AGBL1: variants seen among roughly 807,000 people sequenced by gnomAD.
The protein encoded by AGBL1 is AGBL carboxypeptidase 1.
In AGBL1, 130 loss-of-function variants were observed where a neutral mutation model predicts 118.9. That is an observed-to-expected ratio of 1.09 (90% CI 0.95 to 1.26). The LOEUF (loss-of-function observed/expected upper bound fraction) is 1.26. AGBL1 is among the 50% of genes most tolerant of loss of function. AGBL1 has a pLI of 0.00. For missense variants in AGBL1, 1,584 were observed against 1,298.1 expected (o/e 1.22, Z -3.38); for synonymous variants, 555 against 478.9 (o/e 1.16, Z -2.08).
At chr15:86,082,426 T>C (rs988142128) in intron 1 of AGBL1, among the ~76,000 whole-genome samples, 1 of 152,186 alleles carries the variant, frequency 6.6e-6, no homozygotes, top group African/African-American at 2.4e-5. Flanking sequence ...GTGAATAAGT[T>C]TGAACCAAAT....
At chr15:86,473,721 T>A (rs2082513499) in intron 18 of AGBL1, among the ~76,000 whole-genome samples, 1 of 152,230 alleles carries the variant, frequency 6.6e-6, no homozygotes, top group Non-Finnish European at 1.5e-5. Context: ...ATTGTGATGC[T>A]TATGTTTATG....
At position 86,921,875 on chromosome 15, in the gene AGBL1, T is replaced by C. The variant is rs116803171; in HGVS notation, c.3222-66112T>C. Among the ~76,000 whole-genome samples, 556 of 152,266 alleles carry C rather than the reference T, an allele frequency of 3.7e-3. 2 individuals are homozygous for C. The highest frequency in any genetic ancestry group is 0.011 in the African/African-American group (452 of 41,548). On this transcript the variant is annotated intron_variant, in intron 23 of 24. Transcript: ENST00000441037. ...TCTCCCATATATCCTTCAGGAGCAG[T>C]TGATCTAGTAACGACATTTGAGATG...
chr15:86,589,498 A>T (rs542371347), intron 21 of AGBL1, among the ~76,000 whole-genome samples: 4 of 152,292 alleles, frequency 2.6e-5, no homozygotes, highest in African/African-American at 9.6e-5. Context: ...TGCATTCTGG[A>T]GATGTATAGA....
chr15:86,494,648 C>T (rs546310384), intron 18 of AGBL1, among the ~76,000 whole-genome samples: 1 of 152,064 alleles, frequency 6.6e-6, no homozygotes, highest in Non-Finnish European at 1.5e-5. Flanking sequence ...AGTTTATTTA[C>T]TTTTGTTTAA....
In AGBL1 at chr15:86,371,859, G is replaced by A. The variant is rs148415602; in HGVS notation, c.2375-25507G>A. ...CACAATTTTGGTTGGCTGTGGTAAC[G>A]TAGTAGAGAGTGGCTGCTTGTAGGG... On this transcript the variant is annotated intron_variant, in intron 17 of 22. Transcript: ENST00000614907. Among the ~76,000 whole-genome samples the A allele has an allele frequency of 1.8e-3, 273 of 152,244 alleles. 3 individuals are homozygous for A. The highest frequency in any genetic ancestry group is 0.016 in the East Asian group (82 of 5,174).
In AGBL1 at chr15:86,271,580, C is replaced by T. The variant is rs767165766; in HGVS notation, c.1988-39C>T. 4.6e-6 allele frequency: 7 copies of T among 1,521,946 alleles called. No individual in the cohort carries two copies. The Admixed American group carries it at 8.4e-5, about 18-fold the overall frequency. The allele number at this position is 1,521,946 out of a possible 1,614,324, so 94.3% of individuals were successfully genotyped here. A position where few individuals can be genotyped will look rare whatever the true frequency, so the allele number is the denominator to read the frequency against. ...TCATTATTTGGCCCAGAACAACTCT[C>T]TTTCCCTCATGGATTAATTCCTTTC... is the stretch of plus-strand genomic sequence containing the variant. On this transcript the variant is annotated intron_variant, in intron 14 of 22. Coordinates refer to ENST00000614907, the MANE Select transcript of AGBL1 (RefSeq NM_001386094.1).
chr15:86,156,794 C>CTTTTTTTTTTTTTTTTTTT (rs773611214), intron 4 of AGBL1, among the ~76,000 whole-genome samples: 4 of 105,546 alleles, frequency 3.8e-5, no homozygotes, highest in African/African-American at 9.9e-5. Context: ...TCTTTTCTTT[C>CTTTTTTTTTTTTTTTTTTT]TTTTTTTTTT....
In AGBL1 at chr15:86,734,449, T is replaced by C. The variant is rs115562490; in HGVS notation, c.3158+60013T>C. The stretch of plus-strand genomic sequence containing the variant: ...AAGATGTAGAGACTAAGAACTGTTA[T>C]ATGAAGGGAGGTGATGAATAAAGAG... On this transcript the variant is annotated intron_variant, in intron 22 of 22. Coordinates refer to ENST00000614907, the MANE Select transcript of AGBL1 (RefSeq NM_001386094.1). 6.1e-3 allele frequency among the ~76,000 whole-genome samples: 931 copies of C among 152,156 alleles called. 10 individuals are homozygous for C. Among genetic ancestry groups the C allele is most frequent in the African/African-American group, 0.021 (883 of 41,516 alleles).
chr15:86,117,852 C>A lies in AGBL1; in HGVS notation c.52-24152C>A, dbSNP rs946775661. Among the ~76,000 whole-genome samples the A allele has an allele frequency of 1.6e-4, 25 of 152,168 alleles. 1 individual carries two copies. The highest frequency in any genetic ancestry group is 6.0e-4 in the African/African-American group (25 of 41,534). On this transcript the variant is annotated intron_variant, in intron 1 of 22. Transcript: ENST00000614907. Reference sequence around the variant, plus strand: ...ACATGCCTGAAATCCAACCCCAGGACCTGTGATTTGGTGATTTGGATTGGT... The same window carrying A: ...ACATGCCTGAAATCCAACCCCAGGAACTGTGATTTGGTGATTTGGATTGGT...
chr15:86,814,670 A>G (rs1196588357), intron 22 of AGBL1, among the ~76,000 whole-genome samples: 1 of 152,180 alleles, frequency 6.6e-6, no homozygotes, highest in Non-Finnish European at 1.5e-5. Context: ...TTCTATTATC[A>G]TGGTTAATGC....
At chr15:86,765,494 A>G (rs2078084701) in intron 22 of AGBL1, among the ~76,000 whole-genome samples, 1 of 151,950 alleles carries the variant, frequency 6.6e-6, no homozygotes, top group African/African-American at 2.4e-5. Flanking sequence ...TTCAGAAGAC[A>G]CATCGTGGAG....
At chr15:86,395,060 C>G (rs932814861) in intron 17 of AGBL1, among the ~76,000 whole-genome samples, 1 of 152,122 alleles carries the variant, frequency 6.6e-6, no homozygotes, top group Non-Finnish European at 1.5e-5. Flanking sequence ...TTATTGGTAA[C>G]TGATGACTCT....
intron 22 of AGBL1, among the ~76,000 whole-genome samples, chr15:86,863,536 GAA>G (rs530237403): frequency 7.9e-6 from 1 of 126,888 alleles, no homozygotes. Context: ...GTTTTCTTTG[GAA>G]AAAAAAAAAA....
intron 22 of AGBL1, among the ~76,000 whole-genome samples, chr15:86,815,360 A>C (rs1345062303): frequency 6.6e-6 from 1 of 152,192 alleles, no homozygotes; most frequent in African/African-American, 2.4e-5. Flanking sequence ...AGGGTCCACC[A>C]CCAATTTCTA....
intron 5 of AGBL1, among the ~76,000 whole-genome samples, chr15:86,185,843 C>T (rs188339462): frequency 2.2e-4 from 34 of 152,060 alleles, no homozygotes; most frequent in African/African-American, 7.3e-5. Context: ...CAACATGGCA[C>T]ATGTATACAT....
At chr15:86,248,241 C>T (rs2078753521) in intron 7 of AGBL1, among the ~76,000 whole-genome samples, 1 of 152,166 alleles carries the variant, frequency 6.6e-6, no homozygotes, top group Non-Finnish European at 1.5e-5. Context: ...TGCTTGAACT[C>T]AGGAGGCAGA....
intron 18 of AGBL1, among the ~76,000 whole-genome samples, chr15:86,431,425 ACAAAAGTGTCTGTTACCATATACATTT>A (rs1444564043): frequency 1.3e-5 from 2 of 152,250 alleles, no homozygotes; most frequent in African/African-American, 4.8e-5. Flanking sequence ...TATGGTGTCC[ACAAAAGTGTCTGTTACCATATACATTT>A]CCGAGTAATT....
chr15:86,293,943 G>A (rs761964092), intron 16 of AGBL1, among the ~76,000 whole-genome samples: 2 of 152,138 alleles, frequency 1.3e-5, no homozygotes, highest in South Asian at 4.1e-4. Context: ...TAATTTTTGG[G>A]CAGTGGTGTT....
intron 21 of AGBL1, among the ~76,000 whole-genome samples, chr15:86,664,173 GAC>G (rs763661740): frequency 2.0e-5 from 3 of 152,146 alleles, no homozygotes; most frequent in Non-Finnish European, 4.4e-5. Context: ...GGGCTGAAAG[GAC>G]ACACACAGAG....
Sources: allele counts gnomAD v4.1 joint callset (sites outside exome capture counted in the v4.1 genomes callset), GRCh38; gene constraint gnomAD v4.1.1; transcripts MANE v1.5; gene names NCBI Gene and HGNC (gene_info 2026-07-23, HGNC 2026-07-21).